C2CD3: variants seen among roughly 807,000 people sequenced by gnomAD.
C2CD3 encodes the protein C2 domain-containing protein 3.
A neutral mutation model predicts 234.0 loss-of-function variants in C2CD3; 148 were observed. The ratio of observed to expected loss-of-function variants is 0.63; its 90% confidence interval spans 0.55 to 0.72. The LOEUF (loss-of-function observed/expected upper bound fraction) is 0.72. Ranked by LOEUF, C2CD3 falls within the 30% of genes least tolerant of loss-of-function variation. The pLI is 0.00. For synonymous variants in C2CD3, 1,000 were observed against 1,035.4 expected, an observed-to-expected ratio of 0.97 and a Z score of 0.66; for missense variants, 2,577 against 2,811.5, an observed-to-expected ratio of 0.92 and a Z score of 1.89.
rs1957720548 is a variant in C2CD3, at chr11:74,132,863, T to C, written c.1198A>G (p.Ile400Val). The C allele has an allele frequency of 6.2e-7, 1 of 1,613,842 alleles. No individual in the cohort carries two copies. The highest frequency in any genetic ancestry group is 8.5e-7 in the Non-Finnish European group (1 of 1,179,760). The stretch of plus-strand genomic sequence containing the variant: ...GCTTACCTGCCTAATAGCAGCTGTA[T>C]AGCTCTGGTATCAGCTTTTGTGTCA... ...RHDTKADTRAIQLLLGSAELS... is the reference protein window; with the variant it reads ...RHDTKADTRAVQLLLGSAELS... Residue 400 changes from isoleucine (I) to valine (V), a missense_variant, in exon 7 of 33, where the codon ATA becomes GTA. Ile to Val is a conservative substitution (Grantham distance 29, BLOSUM62 3). Coordinates refer to ENST00000334126, the MANE Select transcript of C2CD3 (RefSeq NM_001286577.2).
At chr11:74,166,664 C>T (rs182326527) in intron 2 of C2CD3, among the ~76,000 whole-genome samples, 20 of 152,274 alleles carry the variant, frequency 1.3e-4, no homozygotes, top group African/African-American at 4.8e-5. Flanking sequence ...TAATTATATA[C>T]TGTCTGGCAT....
At chr11:74,033,003 C>T (rs1952585808) in intron 31 of C2CD3, among the ~76,000 whole-genome samples, 1 of 152,074 alleles carries the variant, frequency 6.6e-6, no homozygotes, top group Non-Finnish European at 1.5e-5. Flanking sequence ...GATTTTCTTT[C>T]CTCTTTCTCT....
At chr11:74,060,291 T>C (rs1954171351) in intron 24 of C2CD3, among the ~76,000 whole-genome samples, 1 of 152,204 alleles carries the variant, frequency 6.6e-6, no homozygotes, top group Non-Finnish European at 1.5e-5. Flanking sequence ...GCACGGAGTT[T>C]GAGATCTGAG....
At chr11:74,073,453 G>A (rs1166171099) in intron 24 of C2CD3, among the ~76,000 whole-genome samples, 1 of 151,950 alleles carries the variant, frequency 6.6e-6, no homozygotes. Context: ...CAGGAGTGGT[G>A]GCACAAGCCT....
intron 24 of C2CD3, among the ~76,000 whole-genome samples, chr11:74,065,305 A>G (rs186113829): frequency 1.2e-4 from 19 of 152,348 alleles, no homozygotes; most frequent in Admixed American, 3.3e-4. Context: ...CAACAGACAC[A>G]TGAAAAAAAC....
At chr11:74,045,721 A>G (rs1953341792) in intron 28 of C2CD3, among the ~76,000 whole-genome samples, 1 of 151,946 alleles carries the variant, frequency 6.6e-6, no homozygotes, top group South Asian at 2.1e-4. Context: ...GCAGGCATGC[A>G]CCACTATGCC....
rs190528808 is a variant in C2CD3, at chr11:74,013,100, G to T, written c.*285C>A. The T allele has an allele frequency of 2.7e-4, 56 of 204,944 alleles. No individual in the cohort carries two copies. The highest frequency in any genetic ancestry group is 1.2e-3 in the African/African-American group (51 of 43,646). The allele number at this position is 204,944 out of a possible 1,614,324, so 12.7% of individuals were successfully genotyped here. A position where few individuals can be genotyped will look rare whatever the true frequency, so the allele number is the denominator to read the frequency against. ...ACTGGGGGGCGTTTCTCCACCGAAA[G>T]ATGCCTGCTTGGGTCCCACTTGGGC... On this transcript the variant is annotated 3_prime_UTR_variant, in exon 33 of 33. Coordinates refer to ENST00000334126, the MANE Select transcript of C2CD3 (RefSeq NM_001286577.2).
intron 7 of C2CD3, among the ~76,000 whole-genome samples, chr11:74,131,185 C>T (rs988217611): frequency 2.0e-5 from 3 of 151,216 alleles, no homozygotes; most frequent in Admixed American, 2.0e-4. Flanking sequence ...AGGCCAGGTG[C>T]GGTGGCTCAC....
intron 6 of C2CD3, among the ~76,000 whole-genome samples, 173 bp from the exon 7 acceptor site, chr11:74,133,145 C>T (rs1245986552): frequency 1.3e-5 from 2 of 152,190 alleles, no homozygotes; most frequent in Admixed American, 6.5e-5. Context: ...AGTAGAATCC[C>T]ATCTCATTTC....
At chr11:74,131,218 G>A (rs938291436) in intron 7 of C2CD3, among the ~76,000 whole-genome samples, 3 of 151,490 alleles carry the variant, frequency 2.0e-5, no homozygotes, top group African/African-American at 7.3e-5. Context: ...AGCTACTTGG[G>A]AGGCTAGGGC....
chr11:74,088,752 A>G (rs577292354), intron 20 of C2CD3, among the ~76,000 whole-genome samples: 48 of 152,334 alleles, frequency 3.2e-4, no homozygotes, highest in Non-Finnish European at 5.9e-4. Flanking sequence ...CAAAAACACA[A>G]GTTTCATGCC....
chr11:74,155,285 T>C (rs189096715), intron 3 of C2CD3, among the ~76,000 whole-genome samples: 8 of 152,360 alleles, frequency 5.3e-5, no homozygotes, highest in Admixed American at 3.3e-4. Flanking sequence ...TATTATTGTA[T>C]GAATTGACAT....
At chr11:74,091,315 C>A (rs1230500791) in intron 19 of C2CD3, 1 of 163,756 alleles carries the variant, frequency 6.1e-6, no homozygotes, top group East Asian at 1.8e-4. Flanking sequence ...ACTTCTATCA[C>A]CCTCCTACCA....
At chr11:74,056,178 CACAA>C (rs200340949) in intron 25 of C2CD3, among the ~76,000 whole-genome samples, 2,258 of 152,306 alleles carry the variant, frequency 0.015, 23 homozygotes, top group Non-Finnish European at 0.023. Context: ...TCAATAAGTA[CACAA>C]ACACTGTGAG....
chr11:74,162,071 C>G (rs1375313332), intron 2 of C2CD3, among the ~76,000 whole-genome samples: 1 of 152,080 alleles, frequency 6.6e-6, no homozygotes, highest in Non-Finnish European at 1.5e-5. Context: ...TGATCTTGGC[C>G]TCCCAAAGTA....
chr11:74,076,151 C>T (rs1374452873), intron 23 of C2CD3, among the ~76,000 whole-genome samples: 1 of 152,106 alleles, frequency 6.6e-6, no homozygotes, highest in Non-Finnish European at 1.5e-5. Flanking sequence ...TCTGTAGTCC[C>T]TTTGAAGGGA....
chr11:74,170,532 G>A (rs886730616), intron 1 of C2CD3, among the ~76,000 whole-genome samples: 10 of 151,968 alleles, frequency 6.6e-5, no homozygotes, highest in Admixed American at 6.6e-4. Flanking sequence ...CTCATTAATC[G>A]CCTGTCTGTG....
chr11:74,069,172 T>C (rs1002620806), intron 24 of C2CD3, among the ~76,000 whole-genome samples: 6 of 152,256 alleles, frequency 3.9e-5, no homozygotes, highest in Non-Finnish European at 7.3e-5. Context: ...TGGAAGAAGA[T>C]AGTTCCTTAT....
intron 5 of C2CD3, among the ~76,000 whole-genome samples, chr11:74,135,868 C>G (rs1228996025): frequency 6.6e-6 from 1 of 152,048 alleles, no homozygotes; most frequent in African/African-American, 2.4e-5. Flanking sequence ...AAGTCAGGAA[C>G]AGAAAACTAA....
Sources: allele counts gnomAD v4.1 joint callset (sites outside exome capture counted in the v4.1 genomes callset), GRCh38; gene constraint gnomAD v4.1.1; transcripts MANE v1.5; gene names NCBI Gene and HGNC (gene_info 2026-07-23, HGNC 2026-07-21).